The following SLC24A2 variants were observed in gnomAD, a reference collection of about 807,000 sequenced individuals.
SLC24A2 encodes sodium/potassium/calcium exchanger 2.
SLC24A2 carries 36 observed loss-of-function variants against 62.0 expected under a neutral mutation model. The ratio of observed to expected loss-of-function variants is 0.58; its 90% CI spans 0.44 to 0.77. The LOEUF is 0.77. Among genes scored for constraint, SLC24A2 ranks in the 30% least tolerant of loss-of-function variants. The pLI is 0.00. For synonymous variants in SLC24A2, 358 were observed against 294.0 expected, an observed-to-expected ratio of 1.22 and a Z score of -2.23; for missense variants, 846 against 817.9, an observed-to-expected ratio of 1.03 and a Z score of -0.42.
intron 4 of SLC24A2, among the ~76,000 whole-genome samples, chr9:19,617,567 A>G (rs893077673): frequency 3.3e-5 from 5 of 152,228 alleles, no homozygotes; most frequent in Non-Finnish European, 7.3e-5. Context: ...GAAGGTGCTG[A>G]TATTTTCTCC....
chr9:19,621,015 A>G (rs905985918), intron 3 of SLC24A2, among the ~76,000 whole-genome samples: 7 of 152,172 alleles, frequency 4.6e-5, no homozygotes, highest in African/African-American at 1.7e-4. Context: ...TCCTAGACCA[A>G]CTCACCTCAG....
At chr9:20,103,469 C>T in the SLC24A2 span, among the ~76,000 whole-genome samples, 1 of 152,194 alleles carries the variant, frequency 6.6e-6, no homozygotes, top group Non-Finnish European at 1.5e-5. Context: ...AGACTGACAC[C>T]TCACATGGCC....
At chr9:19,781,964 G>C (rs1439225435) in intron 2 of SLC24A2, among the ~76,000 whole-genome samples, 1 of 152,192 alleles carries the variant, frequency 6.6e-6, no homozygotes, top group African/African-American at 2.4e-5. Flanking sequence ...ATCACAATTT[G>C]AATTGCTAAA....
At chr9:19,678,408 C>G (rs780197527) in intron 2 of SLC24A2, among the ~76,000 whole-genome samples, 3 of 152,188 alleles carry the variant, frequency 2.0e-5, no homozygotes, top group Admixed American at 2.0e-4. Flanking sequence ...GACTTTAAAA[C>G]CTCCTTACCA....
chr9:20,288,041 A>C, the SLC24A2 span, among the ~76,000 whole-genome samples: 1,083 of 146,678 alleles, frequency 7.4e-3, 6 homozygotes, highest in Middle Eastern at 0.01. Context: ...TTAGGAAAAA[A>C]ACACACACAC....
chr9:19,837,511 A>G, the SLC24A2 span, among the ~76,000 whole-genome samples: 18 of 148,154 alleles, frequency 1.2e-4, no homozygotes, highest in East Asian at 1.2e-3. Context: ...CTGGCACAAG[A>G]CAGGGATGCC....
the SLC24A2 span, among the ~76,000 whole-genome samples, chr9:19,854,996 A>C: frequency 6.6e-6 from 1 of 152,234 alleles, no homozygotes; most frequent in Non-Finnish European, 1.5e-5. Flanking sequence ...ATATATATTT[A>C]GGATAATAAG....
At chr9:20,058,117 G>C in the SLC24A2 span, among the ~76,000 whole-genome samples, 1 of 152,186 alleles carries the variant, frequency 6.6e-6, no homozygotes, top group Non-Finnish European at 1.5e-5. Flanking sequence ...CTAAATGATG[G>C]AAAGAGGGCA....
chr9:19,745,962 A>G (rs1821819613), intron 2 of SLC24A2, among the ~76,000 whole-genome samples: 1 of 152,062 alleles, frequency 6.6e-6, no homozygotes, highest in Non-Finnish European at 1.5e-5. Context: ...TAGAAATACT[A>G]TTTTTTTCTA....
At chr9:20,231,765 A>C in the SLC24A2 span, among the ~76,000 whole-genome samples, 2 of 151,986 alleles carry the variant, frequency 1.3e-5, no homozygotes, top group African/African-American at 2.4e-5. Context: ...GAACTTCCAA[A>C]ACTATGTTGA....
chr9:19,514,697 G>C lies in SLC24A2; in HGVS notation c.*1456C>G, dbSNP rs558128028. On this transcript the variant is annotated 3_prime_UTR_variant, in exon 11 of 11. Coordinates refer to ENST00000341998, the MANE Select transcript of SLC24A2 (RefSeq NM_020344.4). The stretch of plus-strand genomic sequence containing the variant: ...CAGTATAAGGAAGCTGTCAAATACC[G>C]TGTACTCTAAAACTTAGACAGAATC... 6.6e-6 allele frequency: 1 copy of C among 152,150 alleles called. No homozygotes were observed. The highest frequency in any genetic ancestry group is 6.5e-5 in the Admixed American group (1 of 15,272). 9.4% of individuals were successfully genotyped at this position (152,150 alleles called of 1,614,324 possible). A position where few individuals can be genotyped will look rare whatever the true frequency, so the allele number is the denominator to read the frequency against.
chr9:19,961,282 A>C, the SLC24A2 span, among the ~76,000 whole-genome samples: 1 of 152,190 alleles, frequency 6.6e-6, no homozygotes, highest in Non-Finnish European at 1.5e-5. Context: ...TGGTATCTTC[A>C]AGAGGCCAAA....
chr9:20,002,471 A>G, the SLC24A2 span, among the ~76,000 whole-genome samples: 1 of 151,856 alleles, frequency 6.6e-6, no homozygotes, highest in African/African-American at 2.4e-5. Context: ...AGGCATAAGC[A>G]CAAAAGGAGT....
chr9:20,280,183 G>A, the SLC24A2 span, among the ~76,000 whole-genome samples: 2 of 152,200 alleles, frequency 1.3e-5, no homozygotes, highest in East Asian at 1.9e-4. Context: ...GCTGAATGGG[G>A]CTCCGAAGAA....
chr9:19,535,582 T>A (rs950237504), intron 8 of SLC24A2, among the ~76,000 whole-genome samples: 1 of 152,210 alleles, frequency 6.6e-6, no homozygotes, highest in African/African-American at 2.4e-5. Context: ...ACTAGCCAAT[T>A]TTCCCAGCAC....
the SLC24A2 span, among the ~76,000 whole-genome samples, chr9:19,869,117 G>A: frequency 6.6e-6 from 1 of 152,052 alleles, no homozygotes; most frequent in Non-Finnish European, 1.5e-5. Context: ...AAGTAGCTGG[G>A]ACCAAAGGCA....
chr9:19,690,076 T>C (rs377143235), intron 2 of SLC24A2, among the ~76,000 whole-genome samples: 14 of 152,280 alleles, frequency 9.2e-5, no homozygotes, highest in African/African-American at 3.1e-4. Context: ...AGCTTGTAGA[T>C]GCCAGATCAT....
At chr9:20,254,958 C>G in the SLC24A2 span, among the ~76,000 whole-genome samples, 1 of 152,106 alleles carries the variant, frequency 6.6e-6, no homozygotes, top group African/African-American at 2.4e-5. Context: ...CTCCTGAAAC[C>G]TATTCACCAT....
chr9:19,607,744 A>C (rs1837033647), intron 4 of SLC24A2, among the ~76,000 whole-genome samples: 2 of 148,896 alleles, frequency 1.3e-5, no homozygotes, highest in Admixed American at 1.3e-4. Context: ...AAAAAAAATC[A>C]ACTTTTTGGC....
Sources: allele counts gnomAD v4.1 joint callset (sites outside exome capture counted in the v4.1 genomes callset), GRCh38; gene constraint gnomAD v4.1.1; transcripts MANE v1.5; gene names NCBI Gene and HGNC (gene_info 2026-07-23, HGNC 2026-07-21).